ITPR2: variants seen among roughly 807,000 people sequenced by gnomAD.
ITPR2 encodes the protein inositol 1,4,5-trisphosphate-gated calcium channel ITPR2.
ITPR2 carries 207 observed loss-of-function variants against 317.1 expected under a neutral mutation model. The ratio of observed to expected loss-of-function variants is 0.65; its 90% CI spans 0.58 to 0.73. The LOEUF is 0.73. Among genes scored for constraint, ITPR2 ranks in the 30% least tolerant of loss-of-function variants. The probability of loss-of-function intolerance (pLI) is 0.00; values close to 1 mark genes in which losing one functional copy is unlikely to be tolerated. For missense variants in ITPR2, 2,613 were observed against 3,284.0 expected (o/e 0.80, Z 4.99); for synonymous variants, 1,156 against 1,149.1 (o/e 1.01, Z -0.12).
intron 2 of ITPR2, among the ~76,000 whole-genome samples, chr12:26,789,295 CT>C (rs1950305762): frequency 6.6e-6 from 1 of 152,104 alleles, no homozygotes; most frequent in Non-Finnish European, 1.5e-5. Flanking sequence ...AATAAAATGC[CT>C]ATCCCAGAGA....
intron 37 of ITPR2, among the ~76,000 whole-genome samples, chr12:26,501,476 A>G (rs959721773): frequency 6.6e-6 from 1 of 152,196 alleles, no homozygotes; most frequent in Non-Finnish European, 1.5e-5. Flanking sequence ...CTCCCTGTCC[A>G]AGAAGTTGTA....
At chr12:26,482,595 G>T (rs559486729) in intron 42 of ITPR2, among the ~76,000 whole-genome samples, 1 of 152,214 alleles carries the variant, frequency 6.6e-6, no homozygotes, top group African/African-American at 2.4e-5. Flanking sequence ...TCATTGCTCT[G>T]GGAGACTGAA....
chr12:26,586,315 T>C (rs931443358), intron 32 of ITPR2, among the ~76,000 whole-genome samples: 2 of 151,994 alleles, frequency 1.3e-5, no homozygotes, highest in Admixed American at 1.3e-4. Context: ...GAGCTTATTT[T>C]TTTGTAGAGA....
intron 2 of ITPR2, among the ~76,000 whole-genome samples, chr12:26,753,465 C>T (rs1949464256): frequency 6.6e-6 from 1 of 152,110 alleles, no homozygotes; most frequent in Non-Finnish European, 1.5e-5. Flanking sequence ...GGAAAAGATC[C>T]CTTCATTACC....
intron 11 of ITPR2, among the ~76,000 whole-genome samples, chr12:26,684,755 T>C (rs931750972): frequency 6.6e-6 from 1 of 152,186 alleles, no homozygotes; most frequent in Admixed American, 6.5e-5. Flanking sequence ...GACCCTTTTA[T>C]CATTTCCTTA....
intron 1 of ITPR2, among the ~76,000 whole-genome samples, chr12:26,820,394 G>T (rs544488587): frequency 2.0e-5 from 3 of 152,116 alleles, no homozygotes; most frequent in Non-Finnish European, 2.9e-5. Flanking sequence ...GGAGCCAAGC[G>T]CTTTGAGATA....
chr12:26,362,130 C>T (rs971281423), intron 55 of ITPR2, among the ~76,000 whole-genome samples: 8 of 152,228 alleles, frequency 5.3e-5, no homozygotes, highest in African/African-American at 1.7e-4. Context: ...TGCTGTATTC[C>T]CAGGCTTCAA....
chr12:26,788,712 C>A (rs904099246), intron 2 of ITPR2, among the ~76,000 whole-genome samples: 3 of 152,180 alleles, frequency 2.0e-5, no homozygotes, highest in African/African-American at 7.2e-5. Flanking sequence ...ACCTTCTCAG[C>A]CTGTCCTCCA....
chr12:26,415,544 G>A (rs1940696633), intron 50 of ITPR2, 46 bp from the exon 51 acceptor site: 4 of 1,296,076 alleles, frequency 3.1e-6, no homozygotes, highest in Non-Finnish European at 4.1e-6. Flanking sequence ...GGCATTGGAG[G>A]AAAAGGTGAA....
Position 26,369,104 on chromosome 12 carries a change from A to T in ITPR2, c.7857+18330T>A, listed in dbSNP as rs1430947972. 2.0e-5 allele frequency among the ~76,000 whole-genome samples: 3 copies of T among 152,224 alleles called. No individual in the cohort carries two copies. The East Asian group carries it at 5.8e-4, about 29-fold the overall frequency. The stretch of plus-strand genomic sequence containing the variant: ...GCCCTTAGGTAGAAACAAGCTTGGC[A>T]TATTATGGAAACAGCAAAGTCCATG... On this transcript the variant is annotated intron_variant, in intron 55 of 56. Coordinates refer to ENST00000381340, the MANE Select transcript of ITPR2 (RefSeq NM_002223.4).
chr12:26,738,999 A>C (rs887574242), intron 2 of ITPR2, among the ~76,000 whole-genome samples: 1 of 152,256 alleles, frequency 6.6e-6, no homozygotes, highest in Non-Finnish European at 1.5e-5. Context: ...CATACAATCC[A>C]ATAAGATTTA....
chr12:26,769,824 T>C (rs1192869495), intron 2 of ITPR2, among the ~76,000 whole-genome samples: 2 of 152,182 alleles, frequency 1.3e-5, no homozygotes, highest in Non-Finnish European at 2.9e-5. Flanking sequence ...AAAACAGCTA[T>C]ATTTAATTCA....
chr12:26,668,841 C>T (rs1369343581), intron 13 of ITPR2, among the ~76,000 whole-genome samples: 3 of 152,052 alleles, frequency 2.0e-5, no homozygotes, highest in Non-Finnish European at 2.9e-5. Context: ...AAATTATAGG[C>T]TGAGCACAGT....
intron 42 of ITPR2, among the ~76,000 whole-genome samples, chr12:26,483,036 C>T (rs148186600): frequency 6.6e-6 from 1 of 152,292 alleles, no homozygotes; most frequent in Non-Finnish European, 1.5e-5. Context: ...GCATCCCTTA[C>T]CTTGATTGAC....
chr12:26,362,174 G>A (rs1429762781), intron 55 of ITPR2, among the ~76,000 whole-genome samples: 2 of 152,166 alleles, frequency 1.3e-5, no homozygotes, highest in Non-Finnish European at 2.9e-5. Context: ...CCGTTAAGCA[G>A]GATGGAATCA....
intron 2 of ITPR2, among the ~76,000 whole-genome samples, chr12:26,734,627 T>TAAAAAAAAAAA (rs57269056): frequency 7.2e-6 from 1 of 139,788 alleles, no homozygotes. Flanking sequence ...TGTCCTAAAT[T>TAAAAAAAAAAA]AAAAAAAAAA....
intron 36 of ITPR2, among the ~76,000 whole-genome samples, chr12:26,551,724 C>A (rs974017894): frequency 3.9e-5 from 6 of 152,086 alleles, no homozygotes; most frequent in Admixed American, 3.3e-4. Flanking sequence ...AAGGAAGGCT[C>A]GGGAGAGAAG....
intron 2 of ITPR2, among the ~76,000 whole-genome samples, chr12:26,772,137 C>T (rs1031595261): frequency 6.6e-6 from 1 of 151,682 alleles, no homozygotes; most frequent in Non-Finnish European, 1.5e-5. Flanking sequence ...CATTCCATTA[C>T]TGTTTAAAGA....
chr12:26,416,533 T>C (rs1940726873), intron 50 of ITPR2, among the ~76,000 whole-genome samples: 1 of 152,176 alleles, frequency 6.6e-6, no homozygotes, highest in African/African-American at 2.4e-5. Context: ...CTATTTTTTT[T>C]CTGAGTACTG....
Sources: gnomAD v4.1 joint callset for allele counts (sites outside exome capture counted in the v4.1 genomes callset) on GRCh38, gnomAD v4.1.1 for gene constraint, MANE v1.5 for transcripts, NCBI Gene and HGNC (gene_info 2026-07-23, HGNC 2026-07-21) for gene names.